REG3A: variants seen among roughly 807,000 people sequenced by gnomAD.
REG3A encodes the protein regenerating family member 3 alpha.
REG3A carries 15 observed loss-of-function variants against 20.5 expected under a neutral mutation model. The observed-to-expected ratio is 0.73, with a 90% CI of 0.49 to 1.12. The LOEUF is 1.12. REG3A is among the 50% of genes most tolerant of loss of function. The pLI, the probability that REG3A is intolerant of heterozygous loss-of-function variation, is 0.00. For missense variants in REG3A, 224 were observed against 213.1 expected (o/e 1.05, Z -0.32); for synonymous variants, 93 against 83.2 (o/e 1.12, Z -0.64).
rs766585040 is a variant in REG3A at position 79,157,594 on chromosome 2, A to G, written c.438T>C (p.Cys146=). 1.2e-6 allele frequency: 2 copies of G among 1,614,072 alleles called. No homozygotes were observed. Among genetic ancestry groups the G allele is most frequent in the Non-Finnish European group, 1.7e-6 (2 of 1,180,002 alleles). The part of the protein sequence containing the change: ...NPSTISSPGH[C]ASLSRSTAFL... ...TACCTGTGCTTCTCGACAGGCTCGC[A>G]CAGTGGCCGGGGCTTGAGATGGTGG... Residue 146 remains cysteine, a synonymous_variant, in exon 5 of 6, where the codon TGT becomes TGC. Coordinates refer to ENST00000305165, the MANE Select transcript of REG3A (RefSeq NM_002580.3).
rs996957561 is a variant in REG3A, at chr2:79,157,151, G to C, written c.*75C>G. On this transcript the variant is annotated 3_prime_UTR_variant, in exon 6 of 6. Coordinates refer to ENST00000305165, the MANE Select transcript of REG3A (RefSeq NM_002580.3). Reference sequence around the variant, plus strand: ...GGAATTAAGCGAATATTCTCTTCCAGGGTGAGTCCTCACACTGGTCTCATG... The same window carrying C: ...GGAATTAAGCGAATATTCTCTTCCACGGTGAGTCCTCACACTGGTCTCATG... 1 of 1,134,118 alleles carries C rather than the reference G, an allele frequency of 8.8e-7. No individual in the cohort carries two copies. The highest frequency in any genetic ancestry group is 1.7e-5 in the Admixed American group (1 of 58,958). The allele number at this position is 1,134,118 out of a possible 1,614,324, so 70.3% of individuals were successfully genotyped here.
At chr2:79,158,949 A>G in intron 2 of REG3A, 180 bp from the exon 3 acceptor site, 1 of 608,886 alleles carries the variant, frequency 1.6e-6, no homozygotes, top group Non-Finnish European at 2.9e-6. Flanking sequence ...ATGGAGCACC[A>G]TCCAGTCTCT....
At chr2:79,157,517 G>T in intron 5 of REG3A, 55 bp downstream of exon 5, 1 of 1,600,664 alleles carries the variant, frequency 6.2e-7, no homozygotes, top group African/African-American at 1.3e-5. Flanking sequence ...GTCAGACCCA[G>T]GAATGGGGGA....
intron 2 of REG3A, 163 bp from the exon 3 acceptor site, chr2:79,158,932 G>A (rs2272109): frequency 0.038 from 23,332 of 621,782 alleles, 570 homozygotes; most frequent in Admixed American, 0.069. Flanking sequence ...CAAAATAGCC[G>A]TAGTAAATGG....
Position 79,157,625 on chromosome 2 carries a change from T to G in REG3A, c.407A>C (p.Asn136Thr). ...DVMNYFAWER[N>T]PSTISSPGHC... Reference sequence around the variant, plus strand: ...GCCGGGGCTTGAGATGGTGGAGGGATTTCTCTCCCATGCAAAGTAATTCAT... The same window carrying G: ...GCCGGGGCTTGAGATGGTGGAGGGAGTTCTCTCCCATGCAAAGTAATTCAT... The change falls in exon 5 of 6, where the codon AAT becomes ACT. Residue 136 changes from asparagine (N) to threonine (T), a missense_variant. By Grantham distance (65) the Asn-to-Thr change is moderately conservative. Coordinates refer to ENST00000305165, the MANE Select transcript of REG3A (RefSeq NM_002580.3). The G allele has an allele frequency of 6.2e-7, 1 of 1,614,088 alleles. No individual in the cohort carries two copies. Among genetic ancestry groups the G allele is most frequent in the South Asian group, 1.1e-5 (1 of 91,076 alleles).
rs758278763 is a variant in REG3A at position 79,158,443 on chromosome 2, G to T, written c.216C>A (p.Pro72=). ...TDADLACQKR[P]SGNLVSVLSG... ...TGAGCACAGACACCAGGTTTCCAGA[G>T]GGCCGCTTCTGGCAGGCCAGCTTTG... Residue 72 remains proline (P), a synonymous_variant, in exon 4 of 6, where the codon CCC becomes CCA. Coordinates refer to ENST00000305165, the MANE Select transcript of REG3A (RefSeq NM_002580.3). 8 of 1,614,182 alleles carry T rather than the reference G, an allele frequency of 5.0e-6. No homozygotes were observed. In the South Asian group the frequency reaches 8.8e-5, roughly 18 times the overall value.
At chr2:79,159,548 T>A in intron 1 of REG3A, 109 bp from the exon 2 acceptor site, 1 of 761,906 alleles carries the variant, frequency 1.3e-6, no homozygotes. Context: ...ATCCATCATC[T>A]TCTACAGTTC....
chr2:79,159,668 C>T (rs764535562), intron 1 of REG3A, 60 bp downstream of exon 1: 44 of 472,138 alleles, frequency 9.3e-5, no homozygotes, highest in Non-Finnish European at 1.6e-4. Flanking sequence ...CCCATGTATT[C>T]TCCTGTGTCA....
At chr2:79,158,819 G>C (rs773670636) in intron 2 of REG3A, 50 bp from the exon 3 acceptor site, 1 of 1,455,102 alleles carries the variant, frequency 6.9e-7, no homozygotes, top group Non-Finnish European at 9.6e-7. Flanking sequence ...GGGGCTTGGG[G>C]TGGGAGATGA....
rs572545678 is a variant in REG3A, at chr2:79,157,065, C to A, written c.*161G>T. On this transcript the variant is annotated 3_prime_UTR_variant, in exon 6 of 6. Coordinates refer to ENST00000305165, the MANE Select transcript of REG3A (RefSeq NM_002580.3). ...TAGGCCGTATGACAAAATGAAGAGA[C>A]TGAAATGACAGCGGGGAGGAAGAAA... 3 of 642,752 alleles carry A rather than the reference C, an allele frequency of 4.7e-6. No individual in the cohort carries two copies. Among genetic ancestry groups the A allele is most frequent in the Non-Finnish European group, 8.2e-6 (3 of 364,340 alleles). The allele number at this position is 642,752 out of a possible 1,614,324, so 39.8% of individuals were successfully genotyped here.
chr2:79,159,614 T>G (rs1673403082), intron 1 of REG3A, 114 bp downstream of exon 1: 1 of 568,748 alleles, frequency 1.8e-6, no homozygotes, highest in East Asian at 3.0e-5. Flanking sequence ...CAGGACACCC[T>G]TGCTGAGTCT....
chr2:79,157,325 G>T, intron 5 of REG3A, 32 bp from the exon 6 acceptor site: 2 of 1,597,830 alleles, frequency 1.3e-6, no homozygotes, highest in Non-Finnish European at 1.7e-6. Context: ...ATGGAATGGG[G>T]CTGAGGAAGC....
At position 79,158,732 on chromosome 2, in the gene REG3A, G is replaced by GGC; in HGVS notation, c.113_114insGC (p.Ile38MetfsTer56). On this transcript the variant is annotated frameshift_variant, in exon 3 of 6. Coordinates refer to ENST00000305165, the MANE Select transcript of REG3A (RefSeq NM_002580.3). LOFTEE classifies it high-confidence loss of function. ...AGGCCTTGGAGCCTTTGGGACAGCG[G>GGC]ATCCGTGCAGAGGGCAGTTCCCTCT... 1 of 1,614,032 alleles carries GGC rather than the reference G, an allele frequency of 6.2e-7. No individual in the cohort carries two copies. The highest frequency in any genetic ancestry group is 1.1e-5 in the South Asian group (1 of 91,066).
Position 79,158,785 on chromosome 2 carries a change from AG to A in REG3A, c.77-17del, listed in dbSNP as rs750566108. The A allele has an allele frequency of 6.5e-7, 1 of 1,532,984 alleles. No homozygotes were observed. Among genetic ancestry groups the A allele is most frequent in the Non-Finnish European group, 9.0e-7 (1 of 1,108,842 alleles). 95.0% of individuals were successfully genotyped at this position (1,532,984 alleles called of 1,614,324 possible). A position where few individuals can be genotyped will look rare whatever the true frequency, so the allele number is the denominator to read the frequency against. Reference sequence around the variant, plus strand: ...GGTTCTTCACCTGAGGTGGAAGAAGAGGGGGGAGGGTAAAATGAAGAGTGGG... The same window carrying A: ...GGTTCTTCACCTGAGGTGGAAGAAGAGGGGGAGGGTAAAATGAAGAGTGGG... On this transcript the variant is annotated splice_polypyrimidine_tract_variant and intron_variant, in intron 2 of 5. Coordinates refer to ENST00000305165, the MANE Select transcript of REG3A (RefSeq NM_002580.3).
At chr2:79,157,963 G>C (rs1004171623) in intron 4 of REG3A, among the ~76,000 whole-genome samples, 1 of 152,182 alleles carries the variant, frequency 6.6e-6, no homozygotes, top group Non-Finnish European at 1.5e-5. Flanking sequence ...TGATTAGCTT[G>C]TGAACCTCAA....
rs202062830 is a variant in REG3A, at chr2:79,158,791, G to T, written c.77-22C>A. 165 of 1,592,566 alleles carry T rather than the reference G, an allele frequency of 1.0e-4. 1 individual carries two copies. In the Middle Eastern group the frequency reaches 1.8e-3, roughly 18 times the overall value. On this transcript the variant is annotated intron_variant, in intron 2 of 5. Transcript: ENST00000305165. Reference sequence around the variant, plus strand: ...TCACCTGAGGTGGAAGAAGAGGGGGGAGGGTAAAATGAAGAGTGGGGCTTG... The same window carrying T: ...TCACCTGAGGTGGAAGAAGAGGGGGTAGGGTAAAATGAAGAGTGGGGCTTG...
Position 79,157,099 on chromosome 2 carries a change from A to C in REG3A, c.*127T>G. The C allele has an allele frequency of 1.4e-6, 1 of 729,732 alleles. No homozygotes were observed. Among genetic ancestry groups the C allele is most frequent in the East Asian group, 2.5e-5 (1 of 40,434 alleles). 45.2% of individuals were successfully genotyped at this position (729,732 alleles called of 1,614,324 possible). A position where few individuals can be genotyped will look rare whatever the true frequency, so the allele number is the denominator to read the frequency against. On this transcript the variant is annotated 3_prime_UTR_variant, in exon 6 of 6. Transcript: ENST00000305165. ...CAGCGGGGAGGAAGAAACAGAAGAA[A>C]GATAAGAATGAGGTGGTCAGGTTGG...
rs1673364843 is a variant in REG3A at position 79,158,408 on chromosome 2, T to A, written c.251A>T (p.Glu84Val). 6.2e-7 allele frequency: 1 copy of A among 1,614,110 alleles called. No homozygotes were observed. The highest frequency in any genetic ancestry group is 8.5e-7 in the Non-Finnish European group (1 of 1,180,018). The part of the protein sequence containing the change: ...GNLVSVLSGA[E>V]GSFVSSLVKS... ...CACCAGGGAGGACACGAAGGATCCC[T>A]CAGCCCCACTGAGCACAGACACCAG... Residue 84 changes from glutamate to valine, a missense_variant, in exon 4 of 6, where the codon GAG becomes GTG. Coordinates refer to ENST00000305165, the MANE Select transcript of REG3A (RefSeq NM_002580.3).
chr2:79,158,846 G>A, intron 2 of REG3A, 77 bp from the exon 3 acceptor site: 1 of 1,152,102 alleles, frequency 8.7e-7, no homozygotes, highest in South Asian at 1.4e-5. Flanking sequence ...GGAATACCTA[G>A]GAATGTCCTT....
Sources: allele counts gnomAD v4.1 joint callset (sites outside exome capture counted in the v4.1 genomes callset), GRCh38; gene constraint gnomAD v4.1.1; transcripts MANE v1.5; gene names NCBI Gene and HGNC (gene_info 2026-07-23, HGNC 2026-07-21).